The following TXNRD2 variants were observed in gnomAD, a reference collection of about 807,000 sequenced individuals.
TXNRD2 encodes the protein thioredoxin reductase 2.
A neutral mutation model predicts 70.8 loss-of-function variants in TXNRD2; 67 were observed. The ratio of observed to expected loss-of-function variants is 0.95; its 90% CI spans 0.78 to 1.16. The LOEUF is 1.16. Ranked by LOEUF, TXNRD2 falls within the 50% of genes most tolerant of loss-of-function variation. TXNRD2 has a pLI of 0.00. For synonymous variants in TXNRD2, 301 were observed against 295.8 expected, an observed-to-expected ratio of 1.02 and a Z score of -0.18; for missense variants, 644 against 719.9, an observed-to-expected ratio of 0.89 and a Z score of 1.21.
Position 19,898,085 on chromosome 22 carries a change from T to C in TXNRD2, c.728A>G (p.Asp243Gly). ...GATGCTGCGCATCATGATGGTGGTGTCCAGCCCAATCCCGGTGAGGAAGCC... is the reference window on the plus strand; with the variant it reads ...GATGCTGCGCATCATGATGGTGGTGCCCAGCCCAATCCCGGTGAGGAAGCC... ...CAGFLTGIGL[D>G]TTIMMRSIPL... The change falls in exon 10 of 18, where the codon GAC becomes GGC. Residue 243 changes from aspartate to glycine, a missense_variant. Transcript: ENST00000400521. 6.4e-7 allele frequency: 1 copy of C among 1,567,002 alleles called. No individual in the cohort carries two copies. Among genetic ancestry groups the C allele is most frequent in the Non-Finnish European group, 8.6e-7 (1 of 1,156,394 alleles).
Position 19,880,674 on chromosome 22 carries a change from A to T in TXNRD2, c.1130T>A (p.Leu377His). 1.2e-6 allele frequency: 2 copies of T among 1,613,304 alleles called. No homozygotes were observed. The highest frequency in any genetic ancestry group is 1.1e-5 in the South Asian group (1 of 91,084). The change falls in exon 13 of 18, where the codon CTC (leucine) becomes CAC (histidine). Residue 377 changes from leucine to histidine, a missense_variant. Transcript: ENST00000400521. ...LTPIAIMAGR[L>H]LVQRLFGGSS... ...CCCGCCGAAGAGCCGCTGCACCAGGAGCCTCCCGGCCATGATCGCTATGGG... is the reference window on the plus strand; with the variant it reads ...CCCGCCGAAGAGCCGCTGCACCAGGTGCCTCCCGGCCATGATCGCTATGGG...
chr22:19,935,089 T>G (rs1324833787), intron 1 of TXNRD2, among the ~76,000 whole-genome samples: 1 of 152,170 alleles, frequency 6.6e-6, no homozygotes, highest in Non-Finnish European at 1.5e-5. Flanking sequence ...TCTGACTGCC[T>G]GTGGGGTCAG....
chr22:19,903,228 C>T (rs1371493345), intron 8 of TXNRD2, among the ~76,000 whole-genome samples: 1 of 152,228 alleles, frequency 6.6e-6, no homozygotes, highest in Admixed American at 6.5e-5. Context: ...TGGGCAGGGG[C>T]TACAGAGCTG....
At chr22:19,938,518 T>C (rs1348850283) in intron 1 of TXNRD2, among the ~76,000 whole-genome samples, 2 of 152,206 alleles carry the variant, frequency 1.3e-5, no homozygotes, top group Non-Finnish European at 2.9e-5. Context: ...TTTCCTCTAA[T>C]TTATGGCCTT....
intron 1 of TXNRD2, among the ~76,000 whole-genome samples, chr22:19,934,995 G>GT (rs1941492090): frequency 6.6e-6 from 1 of 152,114 alleles, no homozygotes; most frequent in Admixed American, 6.6e-5. Context: ...ATTGTAAAAC[G>GT]TGTGTTTGAA....
At position 19,880,173 on chromosome 22, in the gene TXNRD2, C is replaced by A. The variant is rs112654486; in HGVS notation, c.1275+6G>T. On this transcript the variant is annotated splice_donor_region_variant and intron_variant, in intron 14 of 17. Coordinates refer to ENST00000400521, the MANE Select transcript of TXNRD2 (RefSeq NM_006440.5). ...TGTCCTCAGCTGTGCTGCTCCCAGG[C>A]CTCACCTCAACATGCTCCTGCCCGT... 2 of 1,612,710 alleles carry A rather than the reference C, an allele frequency of 1.2e-6. No homozygotes were observed. The highest frequency in any genetic ancestry group is 2.2e-5 in the South Asian group (2 of 91,082).
intron 12 of TXNRD2, 122 bp from the exon 13 acceptor site, chr22:19,880,839 C>T (rs559189093): frequency 4.5e-4 from 312 of 688,616 alleles, no homozygotes; most frequent in Middle Eastern, 1.9e-3. Context: ...ACACTGGCAC[C>T]GAGCATGGTG....
At chr22:19,914,956 G>A (rs974369942) in intron 7 of TXNRD2, 11 of 498,984 alleles carry the variant, frequency 2.2e-5, no homozygotes, top group African/African-American at 1.9e-4. Flanking sequence ...TGGTGTGGAA[G>A]GGGACAGATC....
At chr22:19,939,328 C>T (rs1270691418) in intron 1 of TXNRD2, among the ~76,000 whole-genome samples, 1 of 152,152 alleles carries the variant, frequency 6.6e-6, no homozygotes, top group East Asian at 1.9e-4. Context: ...TTTCTCCTTA[C>T]GAACCTAAAA....
In TXNRD2 at chr22:19,880,270, ACC is replaced by A. The variant is rs745891559; in HGVS notation, c.1183-1_1183del. On this transcript the variant is annotated splice_acceptor_variant and coding_sequence_variant, in exon 14 of 18. Transcript: ENST00000400521. LOFTEE classifies it high-confidence loss of function. ...CAGCGGGGTGAAGACGGTCGTGGGA[ACC>A]TGAAAGCAGGTCTGGAGTCAGGGAG... The A allele has an allele frequency of 6.2e-7, 1 of 1,613,372 alleles. No homozygotes were observed. The highest frequency in any genetic ancestry group is 1.1e-5 in the South Asian group (1 of 91,074).
At position 19,918,892 on chromosome 22, in the gene TXNRD2, G is replaced by A; in HGVS notation, c.342C>T (p.Gly114=). The A allele has an allele frequency of 6.2e-7, 1 of 1,612,108 alleles. No individual in the cohort carries two copies. The highest frequency in any genetic ancestry group is 1.1e-5 in the South Asian group (1 of 91,078). Residue 114 remains glycine (G), a synonymous_variant, in exon 4 of 18, where the codon GGC becomes GGT. Coordinates refer to ENST00000400521, the MANE Select transcript of TXNRD2 (RefSeq NM_006440.5). ...GGLIQDAPNY[G]WEVAQPVPHD... ...GCGGCACGGGCTGGGCCACCTCCCA[G>A]CCATAGTTGGGGGCATCTTGGATCA...
At chr22:19,895,012 C>T in intron 11 of TXNRD2, 1 of 1,520,410 alleles carries the variant, frequency 6.6e-7, no homozygotes, top group Non-Finnish European at 8.8e-7. Flanking sequence ...AAGACTTAAA[C>T]CTGGAAGGTG....
At chr22:19,921,413 T>TAAAAAA (rs1940910719) in intron 2 of TXNRD2, among the ~76,000 whole-genome samples, 1 of 77,342 alleles carries the variant, frequency 1.3e-5, no homozygotes, top group Non-Finnish European at 2.6e-5. Context: ...AGACCCTGTC[T>TAAAAAA]CAAAAAAAAA....
intron 8 of TXNRD2, among the ~76,000 whole-genome samples, chr22:19,909,196 ACT>A (rs1940204548): frequency 6.9e-6 from 1 of 143,888 alleles, no homozygotes; most frequent in Non-Finnish European, 1.5e-5. Context: ...ACAGAGTGAG[ACT>A]CTGTTTCAAA....
chr22:19,938,467 G>C (rs1941603657), intron 1 of TXNRD2, among the ~76,000 whole-genome samples: 1 of 152,112 alleles, frequency 6.6e-6, no homozygotes, highest in Admixed American at 6.6e-5. Context: ...AAGGAAAAAA[G>C]GTTGAGGGCC....
intron 7 of TXNRD2, among the ~76,000 whole-genome samples, chr22:19,912,316 G>A (rs7410379): frequency 0.3 from 44,928 of 152,188 alleles, 7,287 homozygotes; most frequent in East Asian, 0.65. Flanking sequence ...CAATCAAAGG[G>A]ACTAAAACGC....
intron 17 of TXNRD2, 59 bp downstream of exon 17, chr22:19,876,981 G>A: frequency 7.8e-7 from 1 of 1,276,502 alleles, no homozygotes; most frequent in African/African-American, 1.5e-5. Context: ...CCATGGCCAG[G>A]GCTCCTGCAC....
chr22:19,911,712 A>C (rs1242278370), intron 7 of TXNRD2, among the ~76,000 whole-genome samples: 2 of 151,890 alleles, frequency 1.3e-5, no homozygotes, highest in African/African-American at 2.4e-5. Flanking sequence ...CCTCCCCTTG[A>C]CCCTGGTTCA....
In TXNRD2 at chr22:19,895,462, G is replaced by A; in HGVS notation, c.894C>T (p.Asp298=). The change falls in exon 11 of 18, where the codon GAC becomes GAT. Residue 298 remains aspartate, a synonymous_variant. Transcript: ENST00000400521. The stretch of plus-strand genomic sequence containing the variant: ...CCGTGTCCTCCTTGCCGGTGGTGCT[G>A]TCCTCCCAGGTGACCTGCAGCTGGC... The part of the protein sequence containing the change: ...PDGQLQVTWE[D]STTGKEDTGT... 1.2e-6 allele frequency: 2 copies of A among 1,613,914 alleles called. No homozygotes were observed. Among genetic ancestry groups the A allele is most frequent in the Non-Finnish European group, 8.5e-7 (1 of 1,180,012 alleles).
Sources: allele counts gnomAD v4.1 joint callset (sites outside exome capture counted in the v4.1 genomes callset), GRCh38; gene constraint gnomAD v4.1.1; transcripts MANE v1.5; gene names NCBI Gene and HGNC (gene_info 2026-07-23, HGNC 2026-07-21).